SPIDR: variants seen among roughly 807,000 people sequenced by gnomAD.
SPIDR encodes DNA repair-scaffolding protein.
In SPIDR, 93 loss-of-function variants were observed where a neutral mutation model predicts 104.6. The ratio of observed to expected loss-of-function variants is 0.89; its 90% CI spans 0.75 to 1.06. SPIDR has a LOEUF of 1.06. Among genes scored for constraint, SPIDR ranks in the 50% least tolerant of loss-of-function variants. SPIDR has a pLI of 0.00. For missense variants in SPIDR, 1,154 were observed against 1,111.2 expected, an observed-to-expected ratio of 1.04 and a Z score of -0.55; for synonymous variants, 431 against 416.9, an observed-to-expected ratio of 1.03 and a Z score of -0.41.
At chr8:47,372,505 A>G (rs1554639646) in intron 5 of SPIDR, among the ~76,000 whole-genome samples, 2 of 152,166 alleles carry the variant, frequency 1.3e-5, no homozygotes, top group Non-Finnish European at 2.9e-5. Context: ...GCATGCCTGT[A>G]ATCCCAGCTA....
intron 19 of SPIDR, chr8:47,729,804 C>T (rs1563689131): frequency 1.8e-5 from 4 of 218,686 alleles, no homozygotes; most frequent in South Asian, 2.4e-4. Context: ...CTGCAACCTC[C>T]GCCTCCCAGG....
chr8:47,731,979 C>T lies in SPIDR; in HGVS notation c.2604+2514C>T, dbSNP rs1013236383. The T allele has an allele frequency of 6.7e-6, 4 of 593,532 alleles. No individual in the cohort carries two copies. In the Admixed American group the frequency reaches 1.2e-4, roughly 18 times the overall value. The allele number at this position is 593,532 out of a possible 1,614,324, so 36.8% of individuals were successfully genotyped here. ...TCAACAGATTCAACCAACTCTTGGGCATGGCACACAGCTCTCCAGCTGCTC... is the reference window on the plus strand; with the variant it reads ...TCAACAGATTCAACCAACTCTTGGGTATGGCACACAGCTCTCCAGCTGCTC... On this transcript the variant is annotated intron_variant, in intron 19 of 19. Transcript: ENST00000297423.
chr8:47,697,466 A>T (rs1398629550), intron 11 of SPIDR, among the ~76,000 whole-genome samples: 2 of 152,208 alleles, frequency 1.3e-5, no homozygotes, highest in African/African-American at 4.8e-5. Flanking sequence ...CTTAAAAAAT[A>T]CACTGGTTAC....
chr8:47,366,091 G>T (rs2057157111), intron 5 of SPIDR, among the ~76,000 whole-genome samples: 1 of 152,084 alleles, frequency 6.6e-6, no homozygotes. Flanking sequence ...AAAACCAGGT[G>T]GTATAGGTCA....
intron 8 of SPIDR, among the ~76,000 whole-genome samples, chr8:47,578,671 AGT>A (rs2059393785): frequency 6.6e-6 from 1 of 152,186 alleles, no homozygotes; most frequent in South Asian, 2.1e-4. Flanking sequence ...CTACTGCCAT[AGT>A]GTGAATCTAA....
chr8:47,279,431 C>T (rs1563469420), intron 1 of SPIDR: 1 of 157,374 alleles, frequency 6.4e-6, no homozygotes, highest in South Asian at 1.9e-4. Flanking sequence ...TTCACATCTT[C>T]TTACGGTAGA....
At chr8:47,393,579 T>C (rs1007289584) in intron 5 of SPIDR, among the ~76,000 whole-genome samples, 34 of 152,164 alleles carry the variant, frequency 2.2e-4, no homozygotes, top group African/African-American at 8.2e-4. Context: ...ACACTTAGCA[T>C]TGAACTTCAG....
chr8:47,553,687 G>A (rs550328148), intron 8 of SPIDR, among the ~76,000 whole-genome samples: 23 of 152,246 alleles, frequency 1.5e-4, no homozygotes, highest in East Asian at 1.2e-3. Context: ...CGATGGGTTC[G>A]AACATCCTCC....
Position 47,579,000 on chromosome 8 carries a change from T to C in SPIDR, c.1098-16811T>C, listed in dbSNP as rs186722350. Among the ~76,000 whole-genome samples, 144 of 152,358 alleles carry C rather than the reference T, an allele frequency of 9.5e-4. 1 individual carries two copies. The highest frequency in any genetic ancestry group is 1.0e-4 in the Non-Finnish European group (7 of 68,032). ...GGCTTAAACTTCTTATTTCTGAAATTATCTTTATGCTTCAGTTTAGAGTCA... is the reference window on the plus strand; with the variant it reads ...GGCTTAAACTTCTTATTTCTGAAATCATCTTTATGCTTCAGTTTAGAGTCA... On this transcript the variant is annotated intron_variant, in intron 8 of 19. Coordinates refer to ENST00000297423, the MANE Select transcript of SPIDR (RefSeq NM_001080394.4).
intron 1 of SPIDR, among the ~76,000 whole-genome samples, chr8:47,273,062 A>G (rs1027840229): frequency 2.0e-5 from 3 of 152,204 alleles, no homozygotes; most frequent in African/African-American, 7.2e-5. Flanking sequence ...CCTGACACCA[A>G]GCATCCAGTA....
intron 5 of SPIDR, among the ~76,000 whole-genome samples, chr8:47,300,644 T>C (rs1360195547): frequency 1.3e-5 from 2 of 152,210 alleles, no homozygotes; most frequent in Non-Finnish European, 2.9e-5. Context: ...TCTGGTATGT[T>C]GTGTCTTTGT....
intron 8 of SPIDR, among the ~76,000 whole-genome samples, chr8:47,563,298 T>C (rs2057322965): frequency 6.6e-6 from 1 of 152,030 alleles, no homozygotes; most frequent in African/African-American, 2.4e-5. Context: ...GCTCACCAAG[T>C]AGCTGAGATT....
chr8:47,640,887 T>G (rs974006714), intron 10 of SPIDR, among the ~76,000 whole-genome samples: 3 of 125,888 alleles, frequency 2.4e-5, no homozygotes, highest in African/African-American at 8.7e-5. Flanking sequence ...TTTTTTTTTG[T>G]ATTTTGGTAG....
intron 5 of SPIDR, among the ~76,000 whole-genome samples, chr8:47,394,064 A>G (rs1042885510): frequency 6.6e-6 from 1 of 151,982 alleles, no homozygotes; most frequent in Non-Finnish European, 1.5e-5. Context: ...GTGCCACCAC[A>G]CCGGGCTAAT....
At chr8:47,546,710 C>T (rs971458892) in intron 8 of SPIDR, 3 of 163,870 alleles carry the variant, frequency 1.8e-5, no homozygotes, top group Non-Finnish European at 2.6e-5. Context: ...AACCTTTTCT[C>T]GTATACACAT....
At chr8:47,427,967 G>A (rs567609519) in intron 7 of SPIDR, among the ~76,000 whole-genome samples, 1 of 152,124 alleles carries the variant, frequency 6.6e-6, no homozygotes, top group South Asian at 2.1e-4. Context: ...TGTCACCCCA[G>A]GCTGGAATGC....
At chr8:47,623,506 A>C (rs1483645865) in intron 10 of SPIDR, among the ~76,000 whole-genome samples, 1 of 152,206 alleles carries the variant, frequency 6.6e-6, no homozygotes, top group Non-Finnish European at 1.5e-5. Context: ...TCACGTGCAG[A>C]GACACATATA....
intron 7 of SPIDR, among the ~76,000 whole-genome samples, chr8:47,427,125 T>A (rs1483721967): frequency 1.3e-5 from 2 of 152,026 alleles, no homozygotes; most frequent in African/African-American, 4.8e-5. Context: ...TTCTGATGAT[T>A]ATGATTAAAT....
At chr8:47,503,152 T>A (rs2080831191) in intron 8 of SPIDR, among the ~76,000 whole-genome samples, 1 of 152,210 alleles carries the variant, frequency 6.6e-6, no homozygotes, top group East Asian at 1.9e-4. Flanking sequence ...GCCTATTAGT[T>A]CCGCTTGGTG....
Sources: gnomAD v4.1 joint callset for allele counts (sites outside exome capture counted in the v4.1 genomes callset) on GRCh38, gnomAD v4.1.1 for gene constraint, MANE v1.5 for transcripts, NCBI Gene and HGNC (gene_info 2026-07-23, HGNC 2026-07-21) for gene names.